Variants in C12orf42 observed in about 807,000 individuals in gnomAD.
C12orf42 encodes the protein uncharacterized protein C12orf42.
Under a neutral mutation model 21.6 loss-of-function variants are expected in C12orf42, and 25 were observed. That is an observed-to-expected ratio of 1.16 (90% CI 0.84 to 1.62). The LOEUF (loss-of-function observed/expected upper bound fraction) is 1.62, where lower values mean the gene tolerates loss of function less well. Ranked by LOEUF, C12orf42 falls within the 40% of genes most tolerant of loss-of-function variation. The pLI, the probability that C12orf42 is intolerant of heterozygous loss-of-function variation, is 0.00. For synonymous variants in C12orf42, 174 were observed against 175.0 expected, an observed-to-expected ratio of 0.99 and a Z score of 0.05; for missense variants, 483 against 459.3, an observed-to-expected ratio of 1.05 and a Z score of -0.47.
the C12orf42 span, among the ~76,000 whole-genome samples, chr12:103,106,397 AAAAAT>A: frequency 1.3e-5 from 2 of 152,240 alleles, no homozygotes; most frequent in African/African-American, 4.8e-5. Flanking sequence ...AAAATAGAAT[AAAAAT>A]AAAATAAACA....
the C12orf42 span, among the ~76,000 whole-genome samples, chr12:103,182,008 A>T: frequency 6.6e-6 from 1 of 152,090 alleles, no homozygotes; most frequent in East Asian, 1.9e-4. Flanking sequence ...AATTAGAATG[A>T]CCACTCTTCT....
chr12:103,092,736 A>G, the C12orf42 span, among the ~76,000 whole-genome samples: 1 of 152,206 alleles, frequency 6.6e-6, no homozygotes, highest in South Asian at 2.1e-4. Flanking sequence ...TTTGTTAAGG[A>G]CTGTATCATG....
the C12orf42 span, among the ~76,000 whole-genome samples, chr12:103,056,283 T>C: frequency 6.6e-6 from 1 of 152,214 alleles, no homozygotes; most frequent in African/African-American, 2.4e-5. Context: ...AAAAATATTG[T>C]GCTAGTTTTG....
intron 2 of C12orf42, among the ~76,000 whole-genome samples, chr12:103,404,796 A>G (rs1054381011): frequency 3.3e-5 from 5 of 152,240 alleles, no homozygotes; most frequent in African/African-American, 1.2e-4. Flanking sequence ...AGCTCAGCTA[A>G]TTAAAGGAGG....
At chr12:103,364,663 A>G (rs2044431043) in intron 4 of C12orf42, among the ~76,000 whole-genome samples, 2 of 152,068 alleles carry the variant, frequency 1.3e-5, no homozygotes, top group Non-Finnish European at 2.9e-5. Context: ...TACAACCAAC[A>G]TCAGAGAAAT....
the C12orf42 span, among the ~76,000 whole-genome samples, chr12:103,553,112 C>T: frequency 2.8e-4 from 42 of 152,148 alleles, 3 homozygotes; most frequent in South Asian, 5.6e-3. Context: ...TTATTTGTCG[C>T]GGGGGCTGTC....
At chr12:103,279,308 G>C (rs1356377150) in intron 4 of C12orf42, among the ~76,000 whole-genome samples, 2 of 152,108 alleles carry the variant, frequency 1.3e-5, no homozygotes, top group East Asian at 1.9e-4. Context: ...TGTGGTAATG[G>C]TTCCTCAGAT....
At chr12:103,164,249 A>G in the C12orf42 span, among the ~76,000 whole-genome samples, 10 of 152,208 alleles carry the variant, frequency 6.6e-5, no homozygotes. Flanking sequence ...GTATCTCCAT[A>G]TATCCTATGC....
At chr12:103,480,511 TATTCTTGTGTTTTTA>T (rs1036805800) in intron 1 of C12orf42, among the ~76,000 whole-genome samples, 23 of 151,830 alleles carry the variant, frequency 1.5e-4, no homozygotes, top group Admixed American at 7.9e-4. Context: ...CTTATTCTGC[TATTCTTGTGTTTTTA>T]ATTCACTGTT....
At position 103,302,300 on chromosome 12, in the gene C12orf42, A is replaced by G. The variant is rs1310964953; in HGVS notation, c.891T>C (p.Pro297=). 2.5e-6 allele frequency: 4 copies of G among 1,613,720 alleles called. No individual in the cohort carries two copies. The highest frequency in any genetic ancestry group is 1.7e-6 in the Non-Finnish European group (2 of 1,179,744). The change falls in exon 6 of 6, where the codon CCT becomes CCC. Residue 297 remains proline (P), a synonymous_variant. Transcript: ENST00000548883. The part of the protein sequence containing the change: ...KHPHTPRDRR[P]QADTSLHGNL... The stretch of plus-strand genomic sequence containing the variant: ...TGCCATGGAGGGAGGTGTCCGCCTG[A>G]GGCCTCCTGTCCCGCGGGGTATGAG...
chr12:103,380,802 T>C (rs1027595273), intron 3 of C12orf42, among the ~76,000 whole-genome samples: 2 of 152,222 alleles, frequency 1.3e-5, no homozygotes, highest in African/African-American at 4.8e-5. Flanking sequence ...ACTTTAGACA[T>C]TTTTAATTCA....
chr12:103,241,944 C>A (rs1292833347), intron 10 of C12orf42, among the ~76,000 whole-genome samples: 3 of 152,140 alleles, frequency 2.0e-5, no homozygotes, highest in Admixed American at 6.5e-5. Context: ...GTTACTAAGA[C>A]CTCCAGATTT....
At chr12:103,245,886 G>T (rs1425806147) in intron 10 of C12orf42, among the ~76,000 whole-genome samples, 1 of 152,072 alleles carries the variant, frequency 6.6e-6, no homozygotes. Flanking sequence ...ACTAGAAGGA[G>T]TGTCTAGCTA....
At chr12:103,368,253 G>T (rs1176764260) in intron 4 of C12orf42, 1 of 404,404 alleles carries the variant, frequency 2.5e-6, no homozygotes, top group Non-Finnish European at 4.9e-6. Context: ...ATTTATTTAG[G>T]GAAATCATCC....
At chr12:103,527,374 C>T in the C12orf42 span, among the ~76,000 whole-genome samples, 1 of 152,100 alleles carries the variant, frequency 6.6e-6, no homozygotes, top group African/African-American at 2.4e-5. Context: ...GAAATTTGAT[C>T]CCTAATGTTG....
At chr12:103,103,824 C>T in the C12orf42 span, among the ~76,000 whole-genome samples, 4 of 145,124 alleles carry the variant, frequency 2.8e-5, no homozygotes, top group Non-Finnish European at 6.0e-5. Context: ...TTTTTTCAGA[C>T]GGAGTCTCGC....
At chr12:103,114,458 C>A in the C12orf42 span, among the ~76,000 whole-genome samples, 1 of 152,160 alleles carries the variant, frequency 6.6e-6, no homozygotes, top group Admixed American at 6.5e-5. Context: ...TGCAAGTTCT[C>A]AGGCTCCACT....
chr12:103,179,301 G>A, the C12orf42 span, among the ~76,000 whole-genome samples: 1 of 152,212 alleles, frequency 6.6e-6, no homozygotes, highest in Non-Finnish European at 1.5e-5. Context: ...GTAATGTCAT[G>A]AAAAGAAACC....
chr12:103,098,279 G>T, the C12orf42 span, among the ~76,000 whole-genome samples: 38 of 152,248 alleles, frequency 2.5e-4, 3 homozygotes, highest in Admixed American at 2.1e-3. Flanking sequence ...ACCATGGGCA[G>T]ATTGGTTAGC....
Sources: gnomAD v4.1 joint callset for allele counts (sites outside exome capture counted in the v4.1 genomes callset) on GRCh38, gnomAD v4.1.1 for gene constraint, MANE v1.5 for transcripts, NCBI Gene and HGNC (gene_info 2026-07-23, HGNC 2026-07-21) for gene names.